The following IPP variants were observed in gnomAD, a reference collection of about 807,000 sequenced individuals.
IPP encodes the protein intracisternal A particle-promoted polypeptide.
In IPP, 41 loss-of-function variants were observed where a neutral mutation model predicts 64.1. The observed-to-expected ratio is 0.64, with a 90% CI of 0.50 to 0.83. IPP has a LOEUF of 0.83. IPP is among the 40% of genes least tolerant of loss of function. The pLI, the probability that IPP is intolerant of heterozygous loss-of-function variation, is 0.00. For missense variants in IPP, 649 were observed against 703.0 expected (o/e 0.92, Z 0.87); for synonymous variants, 214 against 235.2 (o/e 0.91, Z 0.83).
At chr1:45,715,296 G>C (rs945113277) in intron 7 of IPP, among the ~76,000 whole-genome samples, 5 of 151,686 alleles carry the variant, frequency 3.3e-5, no homozygotes, top group Non-Finnish European at 7.4e-5. Flanking sequence ...TGAATCTCTA[G>C]TGTTGTACTT....
intron 8 of IPP, among the ~76,000 whole-genome samples, chr1:45,700,597 C>T (rs553792866): frequency 3.3e-5 from 5 of 152,268 alleles, no homozygotes; most frequent in African/African-American, 1.2e-4. Context: ...CTCAGCCTCC[C>T]ACAGTGCTAG....
At chr1:45,701,198 CA>C (rs1453399286) in intron 8 of IPP, among the ~76,000 whole-genome samples, 5 of 152,140 alleles carry the variant, frequency 3.3e-5, no homozygotes, top group African/African-American at 1.2e-4. Flanking sequence ...GGCTTTTACA[CA>C]AAAAGTTTGC....
intron 8 of IPP, among the ~76,000 whole-genome samples, chr1:45,711,747 C>T (rs1482556674): frequency 6.9e-6 from 1 of 145,712 alleles, no homozygotes; most frequent in Middle Eastern, 3.5e-3. Flanking sequence ...GAGTAAGACT[C>T]TGTCACAAAA....
intron 7 of IPP, among the ~76,000 whole-genome samples, chr1:45,715,627 C>T (rs1367608562): frequency 8.7e-5 from 13 of 148,668 alleles, no homozygotes; most frequent in Non-Finnish European, 1.5e-4. Context: ...GGCGACAGAG[C>T]GAGACTCCAT....
At chr1:45,714,502 T>G (rs745833963) in intron 7 of IPP, 36 bp from the exon 8 acceptor site, 1 of 1,164,380 alleles carries the variant, frequency 8.6e-7, no homozygotes, top group Non-Finnish European at 1.3e-6. Flanking sequence ...ATGCTACAGA[T>G]AGTGAGATAC....
At chr1:45,729,061 G>A (rs184193843) in intron 4 of IPP, among the ~76,000 whole-genome samples, 28 of 149,994 alleles carry the variant, frequency 1.9e-4, no homozygotes, top group Admixed American at 1.1e-3. Context: ...CAGTAGAATC[G>A]CTTGAACCCA....
intron 5 of IPP, among the ~76,000 whole-genome samples, chr1:45,720,383 G>T (rs906886194): frequency 6.6e-6 from 1 of 152,160 alleles, no homozygotes; most frequent in Admixed American, 6.5e-5. Context: ...TAATGCTCAT[G>T]AATTATAAGA....
At chr1:45,729,438 T>C (rs894613735) in intron 4 of IPP, among the ~76,000 whole-genome samples, 176 bp downstream of exon 4, 1 of 152,208 alleles carries the variant, frequency 6.6e-6, no homozygotes, top group African/African-American at 2.4e-5. Context: ...TTTTTAGACA[T>C]ATTTGTCATA....
intron 7 of IPP, among the ~76,000 whole-genome samples, chr1:45,715,015 C>T (rs893536128): frequency 1.3e-5 from 2 of 151,840 alleles, no homozygotes; most frequent in African/African-American, 4.8e-5. Context: ...ATCACTTGAG[C>T]TTGAGACCAA....
chr1:45,739,565 C>T (rs181114827), intron 3 of IPP, among the ~76,000 whole-genome samples: 10 of 151,758 alleles, frequency 6.6e-5, no homozygotes, highest in Admixed American at 4.6e-4. Flanking sequence ...TAAAGTAATT[C>T]TTAGAAATAA....
chr1:45,742,384 AAAAC>A (rs1363681592), intron 2 of IPP, among the ~76,000 whole-genome samples: 1 of 152,240 alleles, frequency 6.6e-6, no homozygotes, highest in Non-Finnish European at 1.5e-5. Flanking sequence ...GGAAAGAAAA[AAAAC>A]AAACAACAAC....
At chr1:45,705,599 G>C (rs1463362558) in intron 8 of IPP, among the ~76,000 whole-genome samples, 4 of 152,170 alleles carry the variant, frequency 2.6e-5, no homozygotes, top group African/African-American at 9.6e-5. Flanking sequence ...TTGAGGTCAG[G>C]AGTTTGAGAC....
chr1:45,721,943 T>G (rs554678035), intron 5 of IPP, among the ~76,000 whole-genome samples: 1 of 151,898 alleles, frequency 6.6e-6, no homozygotes, highest in South Asian at 2.1e-4. Flanking sequence ...GTGGTGCGTG[T>G]CTGTAATCCC....
At chr1:45,727,579 T>C in intron 5 of IPP, 52 bp downstream of exon 5, 1 of 1,169,002 alleles carries the variant, frequency 8.6e-7, no homozygotes. Flanking sequence ...TAAAGCATAT[T>C]AGAATATAGC....
rs2148557131 is a variant in IPP, at chr1:45,714,445, C to T, written c.1331G>A (p.Gly444Asp). The change falls in exon 8 of 9, where the codon GGC becomes GAC. Residue 444 changes from glycine (G) to aspartate (D), a missense_variant. Coordinates refer to ENST00000396478, the MANE Select transcript of IPP (RefSeq NM_005897.3). ...AAGTTCTATTCCTTCATTGCTGATG[C>T]CCCCAATTACATAAATTAAACCTGG... ...EMQGLIYVIG[G>D]ISNEGIELRS... is the part of the protein sequence containing the mutation. The T allele has an allele frequency of 2.5e-6, 4 of 1,611,058 alleles. No individual in the cohort carries two copies. Among genetic ancestry groups the T allele is most frequent in the East Asian group, 4.5e-5 (2 of 44,860 alleles).
chr1:45,730,006 A>C (rs1645884164), intron 3 of IPP, among the ~76,000 whole-genome samples: 1 of 152,252 alleles, frequency 6.6e-6, no homozygotes, highest in African/African-American at 2.4e-5. Context: ...ATATATAAGC[A>C]GAATAGCAAC....
At chr1:45,723,280 A>C (rs189289922) in intron 5 of IPP, among the ~76,000 whole-genome samples, 319 of 152,332 alleles carry the variant, frequency 2.1e-3, no homozygotes, top group Non-Finnish European at 2.7e-3. Context: ...TGTTTTAACA[A>C]AATTTTGTAC....
intron 8 of IPP, 145 bp downstream of exon 8, chr1:45,714,101 C>A: frequency 1.8e-6 from 1 of 561,056 alleles, no homozygotes; most frequent in Non-Finnish European, 3.1e-6. Context: ...AGCAGTGACA[C>A]CAAAAGTTTC....
intron 8 of IPP, among the ~76,000 whole-genome samples, chr1:45,700,850 G>A (rs1645441746): frequency 6.6e-6 from 1 of 152,092 alleles, no homozygotes; most frequent in Non-Finnish European, 1.5e-5. Context: ...AAGCTCCAAG[G>A]AGAAAGAAGC....
Sources: allele counts gnomAD v4.1 joint callset (sites outside exome capture counted in the v4.1 genomes callset), GRCh38; gene constraint gnomAD v4.1.1; transcripts MANE v1.5; gene names NCBI Gene and HGNC (gene_info 2026-07-23, HGNC 2026-07-21).